ZNF583: variants seen among roughly 807,000 people sequenced by gnomAD.
The protein encoded by ZNF583 is zinc finger protein 583.
Under a neutral mutation model 55.3 loss-of-function variants are expected in ZNF583, and 30 were observed. The ratio of observed to expected loss-of-function variants is 0.54; its 90% CI spans 0.41 to 0.74. The LOEUF (loss-of-function observed/expected upper bound fraction) is 0.74. Ranked by LOEUF, ZNF583 falls within the 30% of genes least tolerant of loss-of-function variation. The pLI is 0.00. For missense variants in ZNF583, 504 were observed against 664.7 expected, an observed-to-expected ratio of 0.76 and a Z score of 2.66; for synonymous variants, 208 against 220.0, an observed-to-expected ratio of 0.95 and a Z score of 0.48.
At chr19:56,407,401 A>G (rs1215096722) in intron 2 of ZNF583, among the ~76,000 whole-genome samples, 2 of 152,234 alleles carry the variant, frequency 1.3e-5, no homozygotes, top group Non-Finnish European at 2.9e-5. Flanking sequence ...ACTCATTGGC[A>G]TATGTAAACC....
At chr19:56,407,221 G>A in intron 2 of ZNF583, 98 bp downstream of exon 2, 1 of 1,415,610 alleles carries the variant, frequency 7.1e-7, no homozygotes, top group Non-Finnish European at 9.9e-7. Context: ...AACCTAATAA[G>A]GTTCCATTCA....
At chr19:56,416,471 CCTTA>C (rs1380603630) in intron 4 of ZNF583, among the ~76,000 whole-genome samples, 2 of 151,064 alleles carry the variant, frequency 1.3e-5, no homozygotes, top group Non-Finnish European at 2.9e-5. Context: ...AATATTTTCT[CCTTA>C]CTAATTCTTT....
intron 1 of ZNF583, among the ~76,000 whole-genome samples, chr19:56,406,273 A>G (rs149399306): frequency 9.7e-4 from 147 of 152,268 alleles, no homozygotes; most frequent in Middle Eastern, 3.4e-3. Context: ...TTGTAGCTTT[A>G]TCTGTCATCC....
At chr19:56,417,858 A>G (rs183405895) in intron 4 of ZNF583, among the ~76,000 whole-genome samples, 311 of 151,974 alleles carry the variant, frequency 2.0e-3, no homozygotes, top group African/African-American at 6.1e-3. Context: ...TTTTTTCCAT[A>G]TGGATATACA....
chr19:56,426,773 A>T lies in ZNF583; in HGVS notation c.*2405A>T, dbSNP rs935577689. The T allele has an allele frequency of 3.3e-5, 5 of 152,214 alleles. No homozygotes were observed. Among genetic ancestry groups the T allele is most frequent in the African/African-American group, 1.2e-4 (5 of 41,446 alleles). 9.4% of individuals were successfully genotyped at this position (152,214 alleles called of 1,614,324 possible). On this transcript the variant is annotated 3_prime_UTR_variant, in exon 5 of 5. Coordinates refer to ENST00000333201, the MANE Select transcript of ZNF583 (RefSeq NM_152478.3). The stretch of plus-strand genomic sequence containing the variant: ...AAGCATACAAAAAGAGATACTATGC[A>T]CTAATTTAAAAGAGCATGAGTTTGT...
Position 56,423,159 on chromosome 19 carries a change from G to A in ZNF583, c.501G>A (p.Gln167=). Residue 167 remains glutamine, a synonymous_variant, in exon 5 of 5, where the codon CAG becomes CAA. Transcript: ENST00000333201. ...EYNKSWQTFH[Q]DTIFDIQQSF... is the part of the protein sequence containing the mutation. ...ACAAATCTTGGCAAACATTCCACCA[G>A]GATACAATCTTTGATATACAACAGA... 6.2e-7 allele frequency: 1 copy of A among 1,612,850 alleles called. No individual in the cohort carries two copies. The highest frequency in any genetic ancestry group is 1.3e-5 in the African/African-American group (1 of 74,900).
At chr19:56,410,379 G>T (rs1600355806) in intron 2 of ZNF583, among the ~76,000 whole-genome samples, 1 of 152,152 alleles carries the variant, frequency 6.6e-6, no homozygotes, top group East Asian at 1.9e-4. Context: ...AATAATTCAA[G>T]ACCTATGCAA....
intron 4 of ZNF583, chr19:56,421,448 T>C (rs2042414662): frequency 2.0e-6 from 2 of 985,304 alleles, no homozygotes; most frequent in Non-Finnish European, 2.4e-6. Flanking sequence ...ATGGGTGTGA[T>C]TTGCAACTGT....
At chr19:56,421,981 A>G (rs2042422906) in intron 4 of ZNF583, among the ~76,000 whole-genome samples, 1 of 152,158 alleles carries the variant, frequency 6.6e-6, no homozygotes, top group South Asian at 2.1e-4. Flanking sequence ...CAATGAGAGA[A>G]GGGATCAAGC....
chr19:56,417,497 T>G (rs1453678192), intron 4 of ZNF583, among the ~76,000 whole-genome samples: 6 of 152,250 alleles, frequency 3.9e-5, no homozygotes, highest in Admixed American at 3.9e-4. Flanking sequence ...TCAAACATTT[T>G]TCCCATGTTT....
In ZNF583 at chr19:56,411,911, G is replaced by C. The variant is rs1230890664; in HGVS notation, c.10-2048G>C. Among the ~76,000 whole-genome samples, 7 of 152,116 alleles carry C rather than the reference G, an allele frequency of 4.6e-5. No individual in the cohort carries two copies. In the East Asian group the frequency reaches 1.4e-3, roughly 29 times the overall value. On this transcript the variant is annotated intron_variant, in intron 2 of 4. Transcript: ENST00000333201. ...ACTCATTTTTTTTTCCATTAAAAAG[G>C]TTTCTAAATAAAATCACTGATGTAT...
chr19:56,416,761 T>G (rs1325798669), intron 4 of ZNF583, among the ~76,000 whole-genome samples: 1 of 151,804 alleles, frequency 6.6e-6, no homozygotes, highest in Admixed American at 6.6e-5. Flanking sequence ...TGTGAAGGAA[T>G]TATTTACATA....
chr19:56,411,525 G>T (rs761262693), intron 2 of ZNF583, among the ~76,000 whole-genome samples: 8 of 152,232 alleles, frequency 5.3e-5, no homozygotes, highest in Non-Finnish European at 1.2e-4. Context: ...AGGACTTCAT[G>T]TAGCAAAAGC....
intron 4 of ZNF583, chr19:56,421,301 T>G: frequency 4.9e-6 from 1 of 203,094 alleles, no homozygotes; most frequent in Non-Finnish European, 8.7e-6. Flanking sequence ...TTAGTGTTTT[T>G]ACTTCCTTAT....
intron 1 of ZNF583, among the ~76,000 whole-genome samples, chr19:56,405,387 G>T (rs2042130503): frequency 6.6e-6 from 1 of 152,160 alleles, no homozygotes; most frequent in African/African-American, 2.4e-5. Context: ...TCCATAGGTT[G>T]CCAGGGGAGG....
chr19:56,416,783 A>G (rs1042864086), intron 4 of ZNF583, among the ~76,000 whole-genome samples: 1 of 151,900 alleles, frequency 6.6e-6, no homozygotes, highest in Non-Finnish European at 1.5e-5. Flanking sequence ...AGTAAACTGG[A>G]TACATATAAA....
Position 56,404,772 on chromosome 19 carries a change from C to A in ZNF583, c.-90+320C>A, listed in dbSNP as rs976251720. ...TATGAGACCGTTGCCCCGGTGTATG[C>A]GGGAGCCTTTGACAGTATATGGGAC... On this transcript the variant is annotated intron_variant, in intron 1 of 4. Transcript: ENST00000333201. The surrounding 1 kb of genome is among the most constrained non-coding windows in gnomAD (Gnocchi z 5.2). Among the ~76,000 whole-genome samples the A allele has an allele frequency of 6.6e-6, 1 of 151,968 alleles. No homozygotes were observed. The highest frequency in any genetic ancestry group is 2.4e-5 in the African/African-American group (1 of 41,358).
At chr19:56,411,477 ACT>A (rs1314692877) in intron 2 of ZNF583, among the ~76,000 whole-genome samples, 3 of 152,164 alleles carry the variant, frequency 2.0e-5, no homozygotes, top group African/African-American at 2.4e-5. Context: ...TAAAACACAG[ACT>A]CTATTAGTTC....
intron 4 of ZNF583, among the ~76,000 whole-genome samples, chr19:56,419,090 C>G (rs1173238188): frequency 6.6e-6 from 1 of 151,948 alleles, no homozygotes; most frequent in Non-Finnish European, 1.5e-5. Flanking sequence ...GGGATAAACT[C>G]TACTTGGTCA....
Sources: gnomAD v4.1 joint callset for allele counts (sites outside exome capture counted in the v4.1 genomes callset) on GRCh38, gnomAD v4.1.1 for gene constraint, Gnocchi (gnomAD v3.1) non-coding constraint, MANE v1.5 for transcripts, NCBI Gene and HGNC (gene_info 2026-07-23, HGNC 2026-07-21) for gene names.